Variants in AFDN observed in about 807,000 individuals in gnomAD.
The protein encoded by AFDN is afadin.
Under a neutral mutation model 216.6 loss-of-function variants are expected in AFDN, and 68 were observed. The observed-to-expected ratio is 0.31, with a 90% CI of 0.26 to 0.38. The LOEUF is 0.38. AFDN is among the 10% of genes least tolerant of loss of function. AFDN has a pLI of 1.00. For synonymous variants in AFDN, 868 were observed against 853.7 expected, an observed-to-expected ratio of 1.02 and a Z score of -0.29; for missense variants, 2,136 against 2,342.0, an observed-to-expected ratio of 0.91 and a Z score of 1.82.
intron 1 of AFDN, among the ~76,000 whole-genome samples, chr6:167,850,602 A>G (rs771070404): frequency 6.6e-6 from 1 of 152,158 alleles, no homozygotes; most frequent in Non-Finnish European, 1.5e-5. Context: ...TATAATTTGT[A>G]TGGTACATTA....
rs1325819110 is a variant in AFDN, at chr6:167,918,827, T to C, written c.2802T>C (p.Pro934=). 1 of 1,612,970 alleles carries C rather than the reference T, an allele frequency of 6.2e-7. No individual in the cohort carries two copies. The highest frequency in any genetic ancestry group is 1.1e-5 in the South Asian group (1 of 90,862). ...DGREVQLEED[P]DLQLPFLLPE... is the part of the protein sequence containing the mutation. Reference sequence around the variant, plus strand: ...GGGAAGTGCAGTTGGAGGAGGATCCTGATCTGCAGCTGCCGTTTCTTTTGC... The same window carrying C: ...GGGAAGTGCAGTTGGAGGAGGATCCCGATCTGCAGCTGCCGTTTCTTTTGC... Residue 934 remains proline, a synonymous_variant, in exon 21 of 34, where the codon CCT becomes CCC. Coordinates refer to ENST00000683244, the MANE Select transcript of AFDN (RefSeq NM_001386888.1).
At chr6:167,918,295 C>T (rs1165448574) in intron 20 of AFDN, among the ~76,000 whole-genome samples, 1 of 152,082 alleles carries the variant, frequency 6.6e-6, no homozygotes, top group Non-Finnish European at 1.5e-5. Flanking sequence ...GGCAAAAATA[C>T]TGGGTAGATA....
intron 23 of AFDN, among the ~76,000 whole-genome samples, chr6:167,930,283 G>A (rs1793117872): frequency 6.6e-6 from 1 of 152,202 alleles, no homozygotes; most frequent in African/African-American, 2.4e-5. Flanking sequence ...TGACGCTCAT[G>A]AAAGTTTTTT....
intron 3 of AFDN, 38 bp from the exon 4 acceptor site, chr6:167,872,176 C>T (rs1468228835): frequency 2.5e-6 from 4 of 1,582,602 alleles, no homozygotes; most frequent in Non-Finnish European, 3.4e-6. Context: ...TGTGATTCTG[C>T]ATAGTAGTCA....
intron 1 of AFDN, among the ~76,000 whole-genome samples, chr6:167,833,372 G>A (rs947291434): frequency 5.3e-5 from 8 of 152,066 alleles, no homozygotes; most frequent in Non-Finnish European, 8.8e-5. Context: ...TATGATCCGT[G>A]AAAAAAATGC....
At chr6:167,914,573 C>T (rs1583390333) in intron 17 of AFDN, 71 bp from the exon 18 acceptor site, 8 of 1,162,954 alleles carry the variant, frequency 6.9e-6, no homozygotes, top group South Asian at 6.6e-5. Context: ...AGATTGTTTC[C>T]CATGTGATAA....
At chr6:167,874,692 T>A (rs2128269697) in intron 4 of AFDN, among the ~76,000 whole-genome samples, 1 of 150,702 alleles carries the variant, frequency 6.6e-6, no homozygotes, top group Middle Eastern at 3.5e-3. Flanking sequence ...CTTGGCTCAC[T>A]GCAACCTCCG....
intron 19 of AFDN, 55 bp from the exon 20 acceptor site, chr6:167,917,034 T>C (rs1791168262): frequency 5.4e-6 from 8 of 1,482,012 alleles, no homozygotes; most frequent in South Asian, 1.2e-5. Context: ...AAGGATAATA[T>C]TTTTGAAATA....
At chr6:167,885,707 A>G (rs986585140) in intron 6 of AFDN, among the ~76,000 whole-genome samples, 1 of 152,272 alleles carries the variant, frequency 6.6e-6, no homozygotes, top group African/African-American at 2.4e-5. Flanking sequence ...AAAGTGAGCA[A>G]TGCTGTTGGA....
chr6:167,943,274 C>T lies in AFDN; in HGVS notation c.3165+80C>T. The T allele has an allele frequency of 2.8e-6, 4 of 1,447,024 alleles. 1 individual carries two copies. The South Asian group carries it at 4.6e-5, about 17-fold the overall frequency. 89.6% of individuals were successfully genotyped at this position (1,447,024 alleles called of 1,614,324 possible). A position where few individuals can be genotyped will look rare whatever the true frequency, so the allele number is the denominator to read the frequency against. ...GATGTGAGAGATTCTGCTGATACTT[C>T]TAGTTATGTAGCACTATAGTGCTTG... On this transcript the variant is annotated intron_variant, in intron 24 of 33. Transcript: ENST00000683244.
chr6:167,844,123 A>G (rs1781365413), intron 1 of AFDN, among the ~76,000 whole-genome samples: 1 of 151,716 alleles, frequency 6.6e-6, no homozygotes. Flanking sequence ...AGCCACTGTA[A>G]GGAATTTTTA....
At chr6:167,854,437 T>A (rs1357390921) in intron 1 of AFDN, among the ~76,000 whole-genome samples, 1 of 152,092 alleles carries the variant, frequency 6.6e-6, no homozygotes, top group African/African-American at 2.4e-5. Flanking sequence ...TTTTGTGATA[T>A]CAAAGTTTTA....
At chr6:167,899,457 C>A (rs1788674176) in intron 11 of AFDN, among the ~76,000 whole-genome samples, 1 of 152,170 alleles carries the variant, frequency 6.6e-6, no homozygotes, top group African/African-American at 2.4e-5. Context: ...ACCATCCTTC[C>A]ATTCTTCACA....
chr6:167,947,369 C>CG (rs36091645), intron 27 of AFDN, among the ~76,000 whole-genome samples: 6 of 151,846 alleles, frequency 4.0e-5, no homozygotes, highest in Non-Finnish European at 8.8e-5. Context: ...TTAGTAGAGA[C>CG]GGGGTTTCAC....
Position 167,917,138 on chromosome 6 carries a change from A to G in AFDN, c.2615A>G (p.Asn872Ser), listed in dbSNP as rs199766707. The G allele has an allele frequency of 1.9e-6, 3 of 1,613,354 alleles. No individual in the cohort carries two copies. Among genetic ancestry groups the G allele is most frequent in the African/African-American group, 2.7e-5 (2 of 75,008 alleles). Residue 872 changes from asparagine (N) to serine (S), a missense_variant, in exon 20 of 34, where the codon AAT becomes AGT. Asn to Ser is a conservative substitution (Grantham distance 46, BLOSUM62 1). Around this residue, in one of 8 missense-constraint regions of AFDN, gnomAD observed 162 missense variants for 182.6 expected, o/e 0.89. Coordinates refer to ENST00000683244, the MANE Select transcript of AFDN (RefSeq NM_001386888.1). ...MDKYAPDDIP[N>S]INSTCFKLNS... ...AAGTATGCACCTGATGACATTCCAA[A>G]TATAAACAGCACCTGCTTTAAGTTA... is the stretch of plus-strand genomic sequence containing the variant.
chr6:167,969,123 C>T lies in AFDN; in HGVS notation c.5267C>T (p.Ser1756Phe), dbSNP rs1476071725. The change falls in exon 33 of 34, where the codon TCT becomes TTT. Residue 1756 changes from serine (S) to phenylalanine (F), a missense_variant. Ser to Phe is a radical substitution (Grantham distance 155, BLOSUM62 -2). Transcript: ENST00000683244. ...EEDCSLAGPNSYPGSTGAAVG... is the reference protein window; with the variant it reads ...EEDCSLAGPNFYPGSTGAAVG... Reference sequence around the variant, plus strand: ...TTCTTTCATGGAAAAGGACCAAACTCTTACCCAGGATCTACTGGAGCAGCT... The same window carrying T: ...TTCTTTCATGGAAAAGGACCAAACTTTTACCCAGGATCTACTGGAGCAGCT... 3 of 1,613,494 alleles carry T rather than the reference C, an allele frequency of 1.9e-6. No homozygotes were observed. Among genetic ancestry groups the T allele is most frequent in the African/African-American group, 2.7e-5 (2 of 74,924 alleles).
intron 1 of AFDN, among the ~76,000 whole-genome samples, chr6:167,833,902 ATTG>A (rs1341127285): frequency 2.6e-5 from 4 of 152,184 alleles, no homozygotes; most frequent in African/African-American, 4.8e-5. Flanking sequence ...TATTTTAAAT[ATTG>A]TTATTATTAT....
At chr6:167,898,145 CTG>C in intron 10 of AFDN, 58 bp from the exon 11 acceptor site, 1 of 1,576,486 alleles carries the variant, frequency 6.3e-7, no homozygotes, top group Non-Finnish European at 8.7e-7. Context: ...TTTTAACATT[CTG>C]TGTTTAAATG....
At position 167,946,714 on chromosome 6, in the gene AFDN, T is replaced by A. The variant is rs1445571478; in HGVS notation, c.3366T>A (p.Asp1122Glu). ...QPSPMMQRISDRRGSGKPRPK... is the reference protein window; with the variant it reads ...QPSPMMQRISERRGSGKPRPK... ...AATATGCTTTGATTCCAGTTTCAGATCGTCGTGGCTCAGGTAAACCCCGAC... is the reference window on the plus strand; with the variant it reads ...AATATGCTTTGATTCCAGTTTCAGAACGTCGTGGCTCAGGTAAACCCCGAC... The change falls in exon 27 of 34, where the codon GAT (aspartate) becomes GAA (glutamate). Residue 1122 changes from aspartate (D) to glutamate (E), a missense_variant. By Grantham distance (45) the Asp-to-Glu change is conservative. Transcript: ENST00000683244. 2 of 1,613,756 alleles carry A rather than the reference T, an allele frequency of 1.2e-6. No individual in the cohort carries two copies. Among genetic ancestry groups the A allele is most frequent in the South Asian group, 2.2e-5 (2 of 90,970 alleles).
Sources: allele counts gnomAD v4.1 joint callset (sites outside exome capture counted in the v4.1 genomes callset), GRCh38; gene constraint gnomAD v4.1.1; regional missense constraint gnomAD v4.1.1; transcripts MANE v1.5; gene names NCBI Gene and HGNC (gene_info 2026-07-23, HGNC 2026-07-21).